ROBO1: variants seen among roughly 807,000 people sequenced by gnomAD.
ROBO1 encodes roundabout homolog 1.
ROBO1 carries 149 observed loss-of-function variants against 195.9 expected under a neutral mutation model. The ratio of observed to expected loss-of-function variants is 0.76; its 90% CI spans 0.67 to 0.87. The LOEUF is 0.87. Among genes scored for constraint, ROBO1 ranks in the 40% least tolerant of loss-of-function variants. ROBO1 has a pLI of 0.00. For synonymous variants in ROBO1, 816 were observed against 733.2 expected, an observed-to-expected ratio of 1.11 and a Z score of -1.82; for missense variants, 1,933 against 2,068.3, an observed-to-expected ratio of 0.93 and a Z score of 1.27.
At chr3:79,638,683 T>A (rs1945568784) in intron 1 of ROBO1, among the ~76,000 whole-genome samples, 1 of 152,226 alleles carries the variant, frequency 6.6e-6, no homozygotes, top group Non-Finnish European at 1.5e-5. Flanking sequence ...AATCAAGGAC[T>A]GTCTGAGAGA....
intron 2 of ROBO1, among the ~76,000 whole-genome samples, chr3:79,421,212 G>A (rs2038209872): frequency 6.6e-6 from 1 of 151,980 alleles, no homozygotes; most frequent in African/African-American, 2.4e-5. Flanking sequence ...TAAACACTGG[G>A]ACCTAATTGA....
intron 3 of ROBO1, among the ~76,000 whole-genome samples, chr3:79,063,891 G>C (rs1049556380): frequency 6.6e-6 from 1 of 151,906 alleles, no homozygotes; most frequent in Non-Finnish European, 1.5e-5. Context: ...TGAAGAAGTT[G>C]ACCTCAGAGA....
At chr3:78,807,289 T>G (rs1377054191) in intron 4 of ROBO1, among the ~76,000 whole-genome samples, 2 of 152,196 alleles carry the variant, frequency 1.3e-5, no homozygotes. Context: ...ATTTTAAAGT[T>G]TAAACAATGT....
intron 3 of ROBO1, among the ~76,000 whole-genome samples, chr3:79,053,497 TA>T (rs1004894306): frequency 2.6e-5 from 4 of 151,874 alleles, no homozygotes; most frequent in Non-Finnish European, 4.4e-5. Context: ...AGGACCAAAC[TA>T]AAATTTACCT....
At chr3:79,704,109 G>A (rs987225998) in intron 1 of ROBO1, among the ~76,000 whole-genome samples, 1 of 151,756 alleles carries the variant, frequency 6.6e-6, no homozygotes, top group Non-Finnish European at 1.5e-5. Flanking sequence ...TGAGACAAGG[G>A]TGCAGAGATA....
intron 3 of ROBO1, among the ~76,000 whole-genome samples, chr3:79,112,078 TA>T (rs2108535502): frequency 6.6e-6 from 1 of 152,360 alleles, no homozygotes; most frequent in African/African-American, 2.4e-5. Flanking sequence ...ATGTAAGTTT[TA>T]AAAATTATTT....
chr3:78,936,940 G>A (rs1253406349), intron 4 of ROBO1, among the ~76,000 whole-genome samples: 1 of 152,072 alleles, frequency 6.6e-6, no homozygotes, highest in African/African-American at 2.4e-5. Context: ...CCTTTACTGA[G>A]AATCAAGACA....
At chr3:79,411,761 T>A (rs935661426) in intron 2 of ROBO1, among the ~76,000 whole-genome samples, 5 of 152,146 alleles carry the variant, frequency 3.3e-5, no homozygotes, top group African/African-American at 1.2e-4. Context: ...GGAGCCCATT[T>A]ATTTTGCATG....
chr3:79,549,923 G>T (rs1942414147), intron 2 of ROBO1, among the ~76,000 whole-genome samples: 1 of 151,814 alleles, frequency 6.6e-6, no homozygotes, highest in African/African-American at 2.4e-5. Flanking sequence ...CCAGGAGTTT[G>T]TGACCAGCCT....
intron 2 of ROBO1, among the ~76,000 whole-genome samples, chr3:79,513,167 G>A (rs2107548308): frequency 6.6e-6 from 1 of 152,170 alleles, no homozygotes; most frequent in East Asian, 1.9e-4. Context: ...TGAAGTGTAG[G>A]AAGCCATTTT....
At chr3:79,656,242 T>A in intron 1 of ROBO1, among the ~76,000 whole-genome samples, 1 of 147,774 alleles carries the variant, frequency 6.8e-6, no homozygotes, top group East Asian at 2.0e-4. Flanking sequence ...TATTTTTGCT[T>A]TTTTTTTTTA....
intron 2 of ROBO1, among the ~76,000 whole-genome samples, chr3:79,126,201 A>G (rs2080212716): frequency 6.6e-6 from 1 of 152,184 alleles, no homozygotes. Context: ...CTAACTTTGG[A>G]TATTTTGGGT....
chr3:79,568,030 T>G (rs1045468472), intron 2 of ROBO1, among the ~76,000 whole-genome samples: 1 of 152,134 alleles, frequency 6.6e-6, no homozygotes, highest in Non-Finnish European at 1.5e-5. Context: ...CCATATCCTT[T>G]GGCAAGTTGG....
intron 1 of ROBO1, among the ~76,000 whole-genome samples, chr3:79,707,546 T>C (rs1377271962): frequency 6.6e-6 from 1 of 152,242 alleles, no homozygotes; most frequent in Non-Finnish European, 1.5e-5. Flanking sequence ...TCTTGCTCTG[T>C]TGCCCAGGCT....
chr3:79,684,981 T>A (rs1363298541), intron 1 of ROBO1, among the ~76,000 whole-genome samples: 2 of 152,112 alleles, frequency 1.3e-5, no homozygotes, highest in South Asian at 2.1e-4. Context: ...AGTAGTATAA[T>A]GTGGCAACTC....
chr3:78,739,926 G>A (rs1229162033), intron 5 of ROBO1, among the ~76,000 whole-genome samples: 2 of 152,094 alleles, frequency 1.3e-5, no homozygotes, highest in Non-Finnish European at 2.9e-5. Context: ...TATATATGTT[G>A]CAGAATCTAT....
chr3:79,267,004 G>T lies in ROBO1; in HGVS notation c.89-141465C>A, dbSNP rs531033583. Among the ~76,000 whole-genome samples, 286 of 151,478 alleles carry T rather than the reference G, an allele frequency of 1.9e-3. 1 individual carries two copies. The highest frequency in any genetic ancestry group is 6.0e-3 in the African/African-American group (247 of 41,454). ...GTTGGATTATTTAGTCCCTCTTGGT[G>T]TTAGTAGAGAAATATGTGAACTCTA... On this transcript the variant is annotated intron_variant, in intron 2 of 30. Transcript: ENST00000464233.
chr3:79,622,166 G>T (rs978473656), intron 1 of ROBO1, among the ~76,000 whole-genome samples: 3 of 152,158 alleles, frequency 2.0e-5, no homozygotes, highest in Admixed American at 6.5e-5. Context: ...TACCCAGACA[G>T]GGAAACTGCT....
intron 2 of ROBO1, among the ~76,000 whole-genome samples, chr3:79,452,558 T>C (rs1018221343): frequency 6.6e-6 from 1 of 152,290 alleles, no homozygotes; most frequent in Admixed American, 6.5e-5. Context: ...GTCTGCTTGT[T>C]GCTGATTTTC....
Sources: allele counts gnomAD v4.1 joint callset (sites outside exome capture counted in the v4.1 genomes callset), GRCh38; gene constraint gnomAD v4.1.1; transcripts MANE v1.5; gene names NCBI Gene and HGNC (gene_info 2026-07-23, HGNC 2026-07-21).